Variants in PHF2 observed in about 807,000 individuals in gnomAD.
PHF2 encodes the protein lysine-specific demethylase PHF2.
Under a neutral mutation model 120.5 loss-of-function variants are expected in PHF2, and 27 were observed. That is an observed-to-expected ratio of 0.22 (90% CI 0.17 to 0.31). The LOEUF (loss-of-function observed/expected upper bound fraction) is 0.31, where lower values mean the gene tolerates loss of function less well. Among genes scored for constraint, PHF2 ranks in the 10% least tolerant of loss-of-function variants. PHF2 has a pLI of 1.00. For missense variants in PHF2, 1,024 were observed against 1,434.8 expected, an observed-to-expected ratio of 0.71 and a Z score of 4.63; for synonymous variants, 568 against 592.5, an observed-to-expected ratio of 0.96 and a Z score of 0.60.
Position 93,658,220 on chromosome 9 carries a change from C to T in PHF2, c.1223C>T (p.Ser408Leu), listed in dbSNP as rs540238305. The change falls in exon 10 of 22, where the codon TCG becomes TTG. Residue 408 changes from serine to leucine, a missense_variant. This residue lies in a region of PHF2 where 347 missense variants were observed against 577.4 expected (regional missense o/e 0.60). Coordinates refer to ENST00000359246, the MANE Select transcript of PHF2 (RefSeq NM_005392.4). ...GAKILNGAFR[S>L]WTKKQALAEH... The stretch of plus-strand genomic sequence containing the variant: ...AAAATTCTCAATGGTGCTTTCCGAT[C>T]GTGGACGAAGAAGCAGGTAGGAATC... 33 of 1,611,848 alleles carry T rather than the reference C, an allele frequency of 2.0e-5. No homozygotes were observed. Among genetic ancestry groups the T allele is most frequent in the East Asian group, 4.5e-5 (2 of 44,866 alleles).
In PHF2 at chr9:93,673,749, G is replaced by A; in HGVS notation, c.2513G>A (p.Gly838Asp). The change falls in exon 18 of 22, where the codon GGC becomes GAC. Residue 838 changes from glycine (G) to aspartate (D), a missense_variant. Coordinates refer to ENST00000359246, the MANE Select transcript of PHF2 (RefSeq NM_005392.4). ...GCCCGGAAGAATGGGGGTGGCAGTG[G>A]CAAGAGTGCAGGCAAACGACTGCTG... ...HGARKNGGGSGKSAGKRLLKR... is the reference protein window; with the variant it reads ...HGARKNGGGSDKSAGKRLLKR... 1.2e-6 allele frequency: 2 copies of A among 1,613,456 alleles called. No individual in the cohort carries two copies. The highest frequency in any genetic ancestry group is 8.5e-7 in the Non-Finnish European group (1 of 1,179,796).
rs796625037 is a variant in PHF2, at chr9:93,622,698, T to C, written c.99-7272T>C. ...GCCCGGTGAGACCCATTTGGACTTCTGACCTCCAGCCTGGAGAGTGAATCC... is the reference window on the plus strand; with the variant it reads ...GCCCGGTGAGACCCATTTGGACTTCCGACCTCCAGCCTGGAGAGTGAATCC... On this transcript the variant is annotated intron_variant, in intron 1 of 21. Transcript: ENST00000359246. Among the ~76,000 whole-genome samples the C allele has an allele frequency of 1.2e-4, 19 of 152,294 alleles. No homozygotes were observed. In the East Asian group the frequency reaches 3.5e-3, roughly 28 times the overall value.
rs1333651083 is a variant in PHF2, at chr9:93,659,606, G to A, written c.1329+6G>A. The A allele has an allele frequency of 6.2e-7, 1 of 1,613,234 alleles. No homozygotes were observed. Among genetic ancestry groups the A allele is most frequent in the Non-Finnish European group, 8.5e-7 (1 of 1,179,356 alleles). ...AAGAGATCCGGCTCAGTGAGGTGGG[G>A]CCGTGTCCAGGTGCTGGGCTGGACC... On this transcript the variant is annotated splice_donor_region_variant and intron_variant, in intron 11 of 21. Transcript: ENST00000359246.
intron 14 of PHF2, among the ~76,000 whole-genome samples, chr9:93,663,929 T>C (rs957677999): frequency 4.6e-5 from 7 of 152,192 alleles, no homozygotes; most frequent in Non-Finnish European, 1.0e-4. Context: ...TCATCAGGCC[T>C]AGACACCAGC....
At chr9:93,615,084 AGTGATG>A (rs1280251934) in intron 1 of PHF2, among the ~76,000 whole-genome samples, 1 of 138,766 alleles carries the variant, frequency 7.2e-6, no homozygotes, top group African/African-American at 2.8e-5. Flanking sequence ...TGGTGATGGT[AGTGATG>A]GTGATGGTAA....
In PHF2 at chr9:93,621,709, C is replaced by T. The variant is rs571889749; in HGVS notation, c.99-8261C>T. 3.9e-5 allele frequency among the ~76,000 whole-genome samples: 6 copies of T among 152,300 alleles called. No homozygotes were observed. In the East Asian group the frequency reaches 7.7e-4, roughly 20 times the overall value. On this transcript the variant is annotated intron_variant, in intron 1 of 21. Transcript: ENST00000359246. ...GCACGTTCTTGTGACCCCTGAGCCT[C>T]GGCCTTCCCCCCTGTAAAGTAGGCT...
At chr9:93,607,941 G>GAGAA (rs1491305877) in intron 1 of PHF2, among the ~76,000 whole-genome samples, 1 of 14,344 alleles carries the variant, frequency 7.0e-5, no homozygotes, top group Non-Finnish European at 2.6e-4. Flanking sequence ...GGAAAGAGAT[G>GAGAA]AGAGAGAGAG....
intron 1 of PHF2, among the ~76,000 whole-genome samples, chr9:93,596,131 G>C (rs960372212): frequency 2.0e-5 from 3 of 152,132 alleles, no homozygotes; most frequent in African/African-American, 7.2e-5. Flanking sequence ...GAGGCAGGCC[G>C]CATGGAGTGG....
intron 1 of PHF2, among the ~76,000 whole-genome samples, chr9:93,579,265 T>G (rs925652023): frequency 1.8e-4 from 28 of 152,230 alleles, no homozygotes; most frequent in Non-Finnish European, 2.9e-5. Flanking sequence ...GTACTGTGAT[T>G]TACTTCCTAT....
At position 93,665,842 on chromosome 9, in the gene PHF2, C is replaced by T. The variant is rs1364016188; in HGVS notation, c.2094C>T (p.Asn698=). 1.4e-5 allele frequency: 22 copies of T among 1,613,576 alleles called. No individual in the cohort carries two copies. The highest frequency in any genetic ancestry group is 2.2e-5 in the South Asian group (2 of 91,078). The change falls in exon 15 of 22, where the codon AAC becomes AAT. Residue 698 remains asparagine (N), a synonymous_variant. Transcript: ENST00000359246. ...AGTTTCCCATCAGGAGGAAGAAAAA[C>T]GCCCCGAAAAGGGACTTGTCCTGTG... The part of the protein sequence containing the change: ...IDEFPIRRKK[N]APKRDLSFLL...
chr9:93,613,105 A>G (rs951736834), intron 1 of PHF2, among the ~76,000 whole-genome samples: 1 of 152,258 alleles, frequency 6.6e-6, no homozygotes, highest in Non-Finnish European at 1.5e-5. Flanking sequence ...AGAGCTGAGT[A>G]ACCAGGGCTT....
At chr9:93,667,384 C>T in intron 17 of PHF2, 144 bp downstream of exon 17, 1 of 882,518 alleles carries the variant, frequency 1.1e-6, no homozygotes, top group Non-Finnish European at 1.7e-6. Flanking sequence ...CAGAAGGGCA[C>T]ACCTCAGATG....
chr9:93,589,988 C>T (rs1329037318), intron 1 of PHF2, among the ~76,000 whole-genome samples: 2 of 152,202 alleles, frequency 1.3e-5, no homozygotes, highest in Admixed American at 1.3e-4. Context: ...ATTTCTCATC[C>T]GAGGCCACTG....
At chr9:93,609,309 A>G (rs1825596157) in intron 1 of PHF2, among the ~76,000 whole-genome samples, 2 of 152,136 alleles carry the variant, frequency 1.3e-5, no homozygotes, top group South Asian at 4.1e-4. Context: ...CTTGTCTGCT[A>G]GATCAAGAAT....
chr9:93,576,848 C>T lies in PHF2; in HGVS notation c.75C>T (p.Ala25=), dbSNP rs755028149. ...DVTRFMIECD[A]CKDWFHGSCV... is the part of the protein sequence containing the mutation. ...CCCGCTTCATGATCGAGTGCGACGCCTGCAAGGACTGGTTCCACGGCAGGT... is the reference window on the plus strand; with the variant it reads ...CCCGCTTCATGATCGAGTGCGACGCTTGCAAGGACTGGTTCCACGGCAGGT... The change falls in exon 1 of 22, where the codon GCC becomes GCT. Residue 25 remains alanine, a synonymous_variant. Transcript: ENST00000359246. The T allele has an allele frequency of 1.7e-4, 213 of 1,280,158 alleles. No individual in the cohort carries two copies. The highest frequency in any genetic ancestry group is 2.1e-4 in the Non-Finnish European group (205 of 977,192). The allele number at this position is 1,280,158 out of a possible 1,614,324, so 79.3% of individuals were successfully genotyped here.
At chr9:93,624,349 G>A (rs1825871620) in intron 1 of PHF2, among the ~76,000 whole-genome samples, 1 of 152,036 alleles carries the variant, frequency 6.6e-6, no homozygotes, top group African/African-American at 2.4e-5. Context: ...TAATGATGGT[G>A]TAGCATTGTT....
At chr9:93,625,383 A>T (rs537363165) in intron 1 of PHF2, among the ~76,000 whole-genome samples, 2 of 151,742 alleles carry the variant, frequency 1.3e-5, no homozygotes, top group Admixed American at 6.6e-5. Flanking sequence ...TTCATCTGTC[A>T]GTGGACATTC....
chr9:93,665,877 G>A lies in PHF2; in HGVS notation c.2116+13G>A, dbSNP rs761541651. Reference sequence around the variant, plus strand: ...AGGGACTTGTCCTGTGAGTTGGGAGGGGGTGTTGGGGGAGGGGTGTGGGAG... The same window carrying A: ...AGGGACTTGTCCTGTGAGTTGGGAGAGGGTGTTGGGGGAGGGGTGTGGGAG... On this transcript the variant is annotated intron_variant, in intron 15 of 21. Coordinates refer to ENST00000359246, the MANE Select transcript of PHF2 (RefSeq NM_005392.4). 2.5e-6 allele frequency: 4 copies of A among 1,612,864 alleles called. No homozygotes were observed. The African/African-American group carries it at 4.0e-5, about 16-fold the overall frequency.
chr9:93,608,163 T>C (rs1388342126), intron 1 of PHF2, among the ~76,000 whole-genome samples: 1 of 151,974 alleles, frequency 6.6e-6, no homozygotes, highest in African/African-American at 2.4e-5. Context: ...ATCCTTGCCT[T>C]TTTCCTGATC....
Sources: gnomAD v4.1 joint callset for allele counts (sites outside exome capture counted in the v4.1 genomes callset) on GRCh38, gnomAD v4.1.1 for gene constraint, gnomAD v4.1.1 regional missense constraint, MANE v1.5 for transcripts, NCBI Gene and HGNC (gene_info 2026-07-23, HGNC 2026-07-21) for gene names.